FHOD3: variants seen among roughly 807,000 people sequenced by gnomAD.
The protein encoded by FHOD3 is FH1/FH2 domain-containing protein 3.
Under a neutral mutation model 173.0 loss-of-function variants are expected in FHOD3, and 90 were observed. That is an observed-to-expected ratio of 0.52 (90% CI 0.44 to 0.62). FHOD3 has a LOEUF of 0.62. FHOD3 is among the 20% of genes least tolerant of loss of function. FHOD3 has a pLI of 0.00. For synonymous variants in FHOD3, 828 were observed against 823.0 expected (o/e 1.01, Z -0.10); for missense variants, 1,945 against 2,034.7 (o/e 0.96, Z 0.85).
At chr18:36,331,049 G>A (rs1210061599) in intron 1 of FHOD3, among the ~76,000 whole-genome samples, 1 of 152,242 alleles carries the variant, frequency 6.6e-6, no homozygotes, top group African/African-American at 2.4e-5. Context: ...GCTTCTGGGC[G>A]CAAATCTCTT....
chr18:36,355,842 G>A (rs2046334435), intron 2 of FHOD3, among the ~76,000 whole-genome samples, 197 bp downstream of exon 2: 2 of 152,308 alleles, frequency 1.3e-5, no homozygotes, highest in South Asian at 4.1e-4. Flanking sequence ...TTTCTTGATG[G>A]GTGCTCGGGA....
At chr18:36,779,204 T>C in intron 28 of FHOD3, 1 of 554,852 alleles carries the variant, frequency 1.8e-6, no homozygotes, top group Admixed American at 3.1e-5. Flanking sequence ...ATCACTCCTC[T>C]CGGCCCTCCA....
chr18:36,603,109 C>T (rs1411013981), intron 8 of FHOD3, among the ~76,000 whole-genome samples: 1 of 152,192 alleles, frequency 6.6e-6, no homozygotes, highest in Admixed American at 6.5e-5. Context: ...AAGCATGGCC[C>T]TGCTGACACC....
intron 5 of FHOD3, among the ~76,000 whole-genome samples, chr18:36,557,202 C>G (rs2057922096): frequency 6.6e-6 from 1 of 152,076 alleles, no homozygotes; most frequent in Admixed American, 6.6e-5. Flanking sequence ...CAATTTTGAA[C>G]AAATTTTGAG....
At chr18:36,356,549 G>C (rs1366596488) in intron 2 of FHOD3, among the ~76,000 whole-genome samples, 3 of 151,914 alleles carry the variant, frequency 2.0e-5, no homozygotes, top group African/African-American at 7.3e-5. Flanking sequence ...CCAGGCTGGA[G>C]TGCAGTGGCG....
At position 36,482,858 on chromosome 18, in the gene FHOD3, C is replaced by CACACAG. The variant is rs1400178557; in HGVS notation, c.338-19073_338-19072insCACAGA. On this transcript the variant is annotated intron_variant, in intron 3 of 28. Coordinates refer to ENST00000590592, the MANE Select transcript of FHOD3 (RefSeq NM_001281740.3). Reference sequence around the variant, plus strand: ...ACACACACACACACTCACACACACACAGAGAGAGAGAGAGAGAGAGAGAGA... The same window carrying CACACAG: ...ACACACACACACACTCACACACACACACACAGAGAGAGAGAGAGAGAGAGAGAGAGA... Among the ~76,000 whole-genome samples, 228 of 130,442 alleles carry CACACAG rather than the reference C, an allele frequency of 1.7e-3. 2 individuals are homozygous for CACACAG. The highest frequency in any genetic ancestry group is 6.8e-3 in the African/African-American group (220 of 32,234). 85.6% of individuals were successfully genotyped at this position (130,442 alleles called of 152,430 possible).
intron 9 of FHOD3, among the ~76,000 whole-genome samples, chr18:36,623,420 G>A (rs2033861696): frequency 1.3e-5 from 2 of 152,142 alleles, no homozygotes; most frequent in Admixed American, 6.5e-5. Flanking sequence ...AAAAACATTG[G>A]CTAGAAACAC....
intron 1 of FHOD3, among the ~76,000 whole-genome samples, chr18:36,314,351 C>T (rs1370562163): frequency 1.3e-5 from 2 of 152,180 alleles, no homozygotes; most frequent in African/African-American, 4.8e-5. Context: ...TACAAATCAC[C>T]AGCCATTTTA....
chr18:36,749,015 T>C (rs2042287532), intron 24 of FHOD3, among the ~76,000 whole-genome samples: 2 of 151,888 alleles, frequency 1.3e-5, no homozygotes, highest in Admixed American at 6.6e-5. Flanking sequence ...GCCTTACAGC[T>C]GGTAACCAGA....
chr18:36,749,593 G>A (rs2042313195), intron 24 of FHOD3, among the ~76,000 whole-genome samples: 2 of 152,176 alleles, frequency 1.3e-5, no homozygotes, highest in South Asian at 4.1e-4. Context: ...GGGCATTGAG[G>A]TTGATTTCAT....
intron 21 of FHOD3, among the ~76,000 whole-genome samples, 155 bp from the exon 22 acceptor site, chr18:36,742,582 C>T (rs1042148475): frequency 6.6e-6 from 1 of 152,156 alleles, no homozygotes; most frequent in African/African-American, 2.4e-5. Flanking sequence ...GCTCTCCCTG[C>T]CACACGTTTC....
chr18:36,427,213 T>G (rs2050291709), intron 3 of FHOD3, among the ~76,000 whole-genome samples: 1 of 142,872 alleles, frequency 7.0e-6, no homozygotes, highest in Non-Finnish European at 1.5e-5. Context: ...TTAAATATGG[T>G]AACTATGAGA....
At chr18:36,469,292 C>G (rs1261701224) in intron 3 of FHOD3, among the ~76,000 whole-genome samples, 1 of 152,168 alleles carries the variant, frequency 6.6e-6, no homozygotes, top group Non-Finnish European at 1.5e-5. Flanking sequence ...GACATATCCC[C>G]TATGGTGGAT....
intron 1 of FHOD3, among the ~76,000 whole-genome samples, chr18:36,323,399 C>T (rs1241301253): frequency 6.6e-6 from 1 of 152,180 alleles, no homozygotes; most frequent in Non-Finnish European, 1.5e-5. Flanking sequence ...TTTTACTCAC[C>T]AAATGCAGCA....
chr18:36,558,225 C>CAAA (rs1040007491), intron 5 of FHOD3, among the ~76,000 whole-genome samples: 18 of 152,210 alleles, frequency 1.2e-4, no homozygotes, highest in African/African-American at 4.3e-4. Flanking sequence ...TTAGGTCTCC[C>CAAA]AACTTGGAGG....
intron 3 of FHOD3, among the ~76,000 whole-genome samples, chr18:36,386,060 T>G (rs1165611106): frequency 6.6e-6 from 1 of 152,256 alleles, no homozygotes; most frequent in Non-Finnish European, 1.5e-5. Context: ...TGAGTTGATA[T>G]TCACAAAATG....
At chr18:36,533,845 T>C (rs955541485) in intron 5 of FHOD3, among the ~76,000 whole-genome samples, 1 of 152,200 alleles carries the variant, frequency 6.6e-6, no homozygotes, top group African/African-American at 2.4e-5. Context: ...TAGTGGAATA[T>C]GATGTCTAAA....
intron 27 of FHOD3, among the ~76,000 whole-genome samples, chr18:36,765,331 A>G (rs955512291): frequency 2.6e-5 from 4 of 152,336 alleles, no homozygotes; most frequent in Admixed American, 1.3e-4. Flanking sequence ...ACCCAGCTCA[A>G]TACCTCACTG....
intron 5 of FHOD3, among the ~76,000 whole-genome samples, chr18:36,566,514 G>A (rs959165755): frequency 1.3e-5 from 2 of 152,212 alleles, no homozygotes; most frequent in Non-Finnish European, 2.9e-5. Flanking sequence ...GGGCCAGAGG[G>A]TTGGCTGGAG....
Sources: gnomAD v4.1 joint callset for allele counts (sites outside exome capture counted in the v4.1 genomes callset) on GRCh38, gnomAD v4.1.1 for gene constraint, MANE v1.5 for transcripts, NCBI Gene and HGNC (gene_info 2026-07-23, HGNC 2026-07-21) for gene names.